FAF1: variants seen among roughly 807,000 people sequenced by gnomAD.
FAF1 encodes Fas associated factor 1, also known as FAS-associated factor 1.
In FAF1, 25 loss-of-function variants were observed where a neutral mutation model predicts 92.5. That is an observed-to-expected ratio of 0.27 (90% confidence interval 0.20 to 0.38). The LOEUF is 0.38. Ranked by LOEUF, FAF1 falls within the 10% of genes least tolerant of loss-of-function variation. The probability of loss-of-function intolerance (pLI) is 1.00; values close to 1 mark genes in which losing one functional copy is unlikely to be tolerated. For missense variants in FAF1, 636 were observed against 793.3 expected (o/e 0.80, Z 2.38); for synonymous variants, 234 against 273.2 (o/e 0.86, Z 1.42).
At chr1:50,594,633 G>T (rs946560352) in intron 9 of FAF1, among the ~76,000 whole-genome samples, 1 of 149,906 alleles carries the variant, frequency 6.7e-6, no homozygotes, top group Non-Finnish European at 1.5e-5. Flanking sequence ...GCCGGGGGGG[G>T]TGGGGGTTGG....
At chr1:50,625,299 A>T (rs1346968310) in intron 8 of FAF1, among the ~76,000 whole-genome samples, 1 of 152,128 alleles carries the variant, frequency 6.6e-6, no homozygotes, top group African/African-American at 2.4e-5. Flanking sequence ...GCCATTCCTC[A>T]TTTCTTCTGG....
At chr1:50,911,867 T>C (rs1644888222) in intron 1 of FAF1, among the ~76,000 whole-genome samples, 1 of 151,864 alleles carries the variant, frequency 6.6e-6, no homozygotes, top group Admixed American at 6.6e-5. Context: ...ACCCCATGTC[T>C]ACAAAAAACA....
In FAF1 at chr1:50,747,906, G is replaced by A. The variant is rs562474634; in HGVS notation, c.368-3131C>T. ...CTTCCTCCTGCGCTGGCAATGTGAC[G>A]ATGTCTGCTCCTGCTTTGCCTTCCA... is the stretch of plus-strand genomic sequence containing the variant. On this transcript the variant is annotated intron_variant, in intron 4 of 18. Coordinates refer to ENST00000396153, the MANE Select transcript of FAF1 (RefSeq NM_007051.3). Among the ~76,000 whole-genome samples, 10 of 152,236 alleles carry A rather than the reference G, an allele frequency of 6.6e-5. No individual in the cohort carries two copies. In the East Asian group the frequency reaches 1.2e-3, roughly 18 times the overall value.
At chr1:50,654,369 T>G (rs1655009094) in intron 8 of FAF1, among the ~76,000 whole-genome samples, 1 of 152,168 alleles carries the variant, frequency 6.6e-6, no homozygotes, top group South Asian at 2.1e-4. Context: ...TTTTTACTTT[T>G]ACTTTTTAAA....
intron 6 of FAF1, among the ~76,000 whole-genome samples, chr1:50,729,058 A>ATTTTTTTTTTTTT (rs1195852048): frequency 2.9e-5 from 2 of 70,120 alleles, no homozygotes; most frequent in African/African-American, 1.2e-4. Context: ...ATATATATAT[A>ATTTTTTTTTTTTT]TTTTTTTTTT....
chr1:50,910,511 C>A (rs1341648254), intron 1 of FAF1, among the ~76,000 whole-genome samples: 1 of 152,178 alleles, frequency 6.6e-6, no homozygotes, highest in Non-Finnish European at 1.5e-5. Flanking sequence ...AGGCAGGCCT[C>A]TTTGAGCTGC....
chr1:50,877,239 A>G (rs1041348282), intron 1 of FAF1, among the ~76,000 whole-genome samples: 3 of 152,246 alleles, frequency 2.0e-5, no homozygotes, highest in Non-Finnish European at 2.9e-5. Context: ...TTAAAATATA[A>G]TGTGATGAAA....
chr1:50,686,979 C>A (rs1656692089), intron 7 of FAF1, among the ~76,000 whole-genome samples: 1 of 152,056 alleles, frequency 6.6e-6, no homozygotes, highest in South Asian at 2.1e-4. Context: ...CAGGCGCATG[C>A]CACCACGCCC....
intron 13 of FAF1, among the ~76,000 whole-genome samples, chr1:50,545,132 CATT>C (rs1648948811): frequency 6.6e-6 from 1 of 151,926 alleles, no homozygotes; most frequent in South Asian, 2.1e-4. Context: ...CTAATTTACT[CATT>C]ATATATAGAA....
Position 50,481,627 on chromosome 1 carries a change from C to T in FAF1, c.1654-5948G>A, listed in dbSNP as rs145873677. Among the ~76,000 whole-genome samples the T allele has an allele frequency of 3.3e-5, 5 of 152,142 alleles. No individual in the cohort carries two copies. The East Asian group carries it at 9.7e-4, about 29-fold the overall frequency. ...ATTGCCAATGACACATTTTCCCATCCTTAGGTGATACAAGACTATATCATT... is the reference window on the plus strand; with the variant it reads ...ATTGCCAATGACACATTTTCCCATCTTTAGGTGATACAAGACTATATCATT... On this transcript the variant is annotated intron_variant, in intron 17 of 18. Transcript: ENST00000396153.
chr1:50,953,134 A>G (rs188718674), intron 1 of FAF1, among the ~76,000 whole-genome samples: 1,560 of 152,316 alleles, frequency 0.01, 104 homozygotes, highest in Admixed American at 0.096. Context: ...GTGTCCACTC[A>G]GGGTTAAATG....
chr1:50,868,098 G>A (rs1276083869), intron 1 of FAF1, among the ~76,000 whole-genome samples: 1 of 152,138 alleles, frequency 6.6e-6, no homozygotes, highest in East Asian at 1.9e-4. Context: ...AACATTGCAT[G>A]TTCTCATTTA....
chr1:50,596,088 T>C (rs1161780848), intron 9 of FAF1, 33 bp downstream of exon 9: 2 of 1,490,718 alleles, frequency 1.3e-6, no homozygotes, highest in Non-Finnish European at 1.9e-6. Flanking sequence ...GGATGGGCCT[T>C]CTGTTCAAAG....
intron 8 of FAF1, among the ~76,000 whole-genome samples, chr1:50,649,785 CAAAAAA>C (rs535636319): frequency 1.4e-5 from 1 of 72,952 alleles, no homozygotes; most frequent in East Asian, 3.4e-4. Context: ...ACTAAAACTA[CAAAAAA>C]AAAAAAAAAA....
chr1:50,576,148 T>A (rs1407346712), intron 12 of FAF1, among the ~76,000 whole-genome samples: 1 of 152,202 alleles, frequency 6.6e-6, no homozygotes, highest in Non-Finnish European at 1.5e-5. Flanking sequence ...CAAAACTGCT[T>A]AATGGCACCA....
intron 8 of FAF1, among the ~76,000 whole-genome samples, chr1:50,608,494 T>C (rs1652529667): frequency 6.6e-6 from 1 of 152,196 alleles, no homozygotes; most frequent in Admixed American, 6.5e-5. Context: ...TAACCATGTA[T>C]GACATTTCTG....
intron 1 of FAF1, among the ~76,000 whole-genome samples, chr1:50,936,239 T>C (rs1645083924): frequency 6.6e-6 from 1 of 152,114 alleles, no homozygotes; most frequent in Admixed American, 6.6e-5. Flanking sequence ...CACAAATTAG[T>C]AAGAAAGACA....
intron 2 of FAF1, among the ~76,000 whole-genome samples, chr1:50,829,045 G>A (rs1477901849): frequency 6.6e-6 from 1 of 152,150 alleles, no homozygotes; most frequent in African/African-American, 2.4e-5. Context: ...AATCTGGGAA[G>A]TATAATTTAA....
chr1:50,577,952 G>A (rs1032716749), intron 12 of FAF1, among the ~76,000 whole-genome samples: 9 of 152,196 alleles, frequency 5.9e-5, no homozygotes, highest in African/African-American at 1.9e-4. Context: ...ACCACCAAGT[G>A]CTCTCAAATG....
Sources: allele counts gnomAD v4.1 joint callset (sites outside exome capture counted in the v4.1 genomes callset), GRCh38; gene constraint gnomAD v4.1.1; transcripts MANE v1.5; gene names NCBI Gene and HGNC (gene_info 2026-07-23, HGNC 2026-07-21).